Variants in CLUL1 observed in about 807,000 individuals in gnomAD.
The protein encoded by CLUL1 is clusterin-like protein 1.
In CLUL1, 43 loss-of-function variants were observed where a neutral mutation model predicts 49.4. The ratio of observed to expected loss-of-function variants is 0.87; its 90% confidence interval spans 0.68 to 1.12. The LOEUF (loss-of-function observed/expected upper bound fraction) is 1.12. Among genes scored for constraint, CLUL1 ranks in the 50% most tolerant of loss-of-function variants. CLUL1 has a pLI of 0.00. For missense variants in CLUL1, 486 were observed against 544.4 expected (o/e 0.89, Z 1.07); for synonymous variants, 192 against 184.9 (o/e 1.04, Z -0.31).
rs193104760 is a variant in CLUL1, at chr18:624,890, T to G, written c.281T>G (p.Val94Gly). The G allele has an allele frequency of 2.1e-4, 347 of 1,614,042 alleles. 3 individuals are homozygous for G. In the African/African-American group the frequency reaches 4.3e-3, roughly 20 times the overall value. The change falls in exon 5 of 10, where the codon GTT becomes GGT. Residue 94 changes from valine (V) to glycine (G), a missense_variant. Transcript: ENST00000692774. ...GAGGCCCTGAAACTTCTGAATGAAG[T>G]TCAAGAACATCTGGAGGAAGAAGAA... The part of the protein sequence containing the change: ...KQEALKLLNE[V>G]QEHLEEEERL...
chr18:602,301 T>G (rs2072854543), intron 1 of CLUL1, among the ~76,000 whole-genome samples: 1 of 152,200 alleles, frequency 6.6e-6, no homozygotes, highest in Non-Finnish European at 1.5e-5. Flanking sequence ...TGCTGGTTGG[T>G]CTCTGTTCTC....
intron 8 of CLUL1, among the ~76,000 whole-genome samples, chr18:642,860 AAC>A (rs1350104370): frequency 6.6e-6 from 1 of 152,202 alleles, no homozygotes; most frequent in Non-Finnish European, 1.5e-5. Context: ...GGCTGAGGCT[AAC>A]AGTCATCTGA....
chr18:620,957 A>AAATTTATTT (rs2073473876), intron 4 of CLUL1, among the ~76,000 whole-genome samples: 3 of 152,230 alleles, frequency 2.0e-5, no homozygotes, highest in Admixed American at 2.0e-4. Flanking sequence ...TTTCAATTTT[A>AAATTTATTT]ATGTTGAGAG....
intron 1 of CLUL1, among the ~76,000 whole-genome samples, chr18:602,505 G>T (rs535361417): frequency 6.6e-6 from 1 of 152,248 alleles, no homozygotes; most frequent in East Asian, 1.9e-4. Flanking sequence ...CTCTCACTGG[G>T]TTCCTGTATC....
intron 2 of CLUL1, among the ~76,000 whole-genome samples, chr18:615,497 G>A (rs1436754224): frequency 1.3e-5 from 2 of 152,124 alleles, no homozygotes; most frequent in Admixed American, 1.3e-4. Flanking sequence ...GATGTCAAAC[G>A]GGCCCAAACT....
At position 627,136 on chromosome 18, in the gene CLUL1, C is replaced by G. The variant is rs1018647877; in HGVS notation, c.463C>G (p.Pro155Ala). 5 of 1,612,894 alleles carry G rather than the reference C, an allele frequency of 3.1e-6. No individual in the cohort carries two copies. The highest frequency in any genetic ancestry group is 3.3e-5 in the Admixed American group (2 of 59,894). ...FFRKIYQFLF[P>A]FHEDNEKDLP... ...CAGGAAGATATATCAATTTCTATTTCCTTTCCATGAAGATAATGAAAAAGA... is the reference window on the plus strand; with the variant it reads ...CAGGAAGATATATCAATTTCTATTTGCTTTCCATGAAGATAATGAAAAAGA... Residue 155 changes from proline to alanine, a missense_variant, in exon 6 of 10, where the codon CCT (proline) becomes GCT (alanine). By Grantham distance (27) the Pro-to-Ala change is conservative (BLOSUM62 -1). Transcript: ENST00000692774.
In CLUL1 at chr18:649,993, C is replaced by A. The variant is rs2074633251; in HGVS notation, c.*92C>A. 2.3e-6 allele frequency: 2 copies of A among 870,338 alleles called. No homozygotes were observed. The highest frequency in any genetic ancestry group is 1.7e-5 in the African/African-American group (1 of 58,218). 53.9% of individuals were successfully genotyped at this position (870,338 alleles called of 1,614,324 possible). The stretch of plus-strand genomic sequence containing the variant: ...AAATAAAAAAGGATAATGCAATAAA[C>A]ACAGTTGCAGGAAAGTATGTTAGCT... On this transcript the variant is annotated 3_prime_UTR_variant, in exon 10 of 10. Transcript: ENST00000692774.
chr18:599,061 A>G (rs987776265), intron 1 of CLUL1, among the ~76,000 whole-genome samples: 4 of 152,256 alleles, frequency 2.6e-5, no homozygotes, highest in Non-Finnish European at 5.9e-5. Context: ...TACAATACAT[A>G]AAAGGAATGA....
chr18:633,282 G>A lies in CLUL1; in HGVS notation c.857-16G>A, dbSNP rs1567971688. 2 of 1,601,498 alleles carry A rather than the reference G, an allele frequency of 1.2e-6. No homozygotes were observed. The highest frequency in any genetic ancestry group is 1.7e-6 in the Non-Finnish European group (2 of 1,174,244). ...ACTCTTATGACACTAACGTGTAAAT[G>A]TTATGTTCCCTGTAGCTCCTGACCA... On this transcript the variant is annotated splice_polypyrimidine_tract_variant and intron_variant, in intron 6 of 9. Transcript: ENST00000692774.
intron 7 of CLUL1, among the ~76,000 whole-genome samples, chr18:634,383 C>T (rs906731672): frequency 2.6e-5 from 4 of 152,134 alleles, no homozygotes; most frequent in Admixed American, 2.0e-4. Context: ...CCGCCCACCT[C>T]GGCCTCCCAA....
At chr18:635,515 A>G (rs2074111361) in intron 7 of CLUL1, among the ~76,000 whole-genome samples, 1 of 152,074 alleles carries the variant, frequency 6.6e-6, no homozygotes, top group Non-Finnish European at 1.5e-5. Flanking sequence ...GAAAAATCAG[A>G]TTATAATTCT....
chr18:612,881 C>A lies in CLUL1; in HGVS notation c.-13-5107C>A, dbSNP rs183154339. 2.0e-4 allele frequency: 32 copies of A among 162,686 alleles called. No individual in the cohort carries two copies. In the East Asian group the frequency reaches 5.1e-3, roughly 26 times the overall value. The allele number at this position is 162,686 out of a possible 1,614,324, so 10.1% of individuals were successfully genotyped here. A position where few individuals can be genotyped will look rare whatever the true frequency, so the allele number is the denominator to read the frequency against. Reference sequence around the variant, plus strand: ...CGAATAAACTATTCCAAGGGTTGAACTTGCTGGAAGCAAGAGAAGCACTAT... The same window carrying A: ...CGAATAAACTATTCCAAGGGTTGAAATTGCTGGAAGCAAGAGAAGCACTAT... On this transcript the variant is annotated intron_variant, in intron 2 of 9. Transcript: ENST00000692774.
intron 9 of CLUL1, among the ~76,000 whole-genome samples, chr18:646,931 A>G (rs1478674739): frequency 6.6e-6 from 1 of 151,808 alleles, no homozygotes; most frequent in African/African-American, 2.4e-5. Flanking sequence ...TGTGTTTTTT[A>G]GTAGAGACAG....
intron 4 of CLUL1, among the ~76,000 whole-genome samples, 197 bp downstream of exon 4, chr18:619,558 A>G (rs574940359): frequency 5.9e-5 from 9 of 152,084 alleles, no homozygotes; most frequent in African/African-American, 2.2e-4. Flanking sequence ...CTTCTGCAAG[A>G]CTCCAACCCG....
chr18:626,892 AAAG>A (rs1204783591), intron 5 of CLUL1, among the ~76,000 whole-genome samples: 1 of 300 alleles, frequency 3.3e-3, no homozygotes, highest in Non-Finnish European at 0.12. Flanking sequence ...AGAAAGAAAG[AAAG>A]AAAGAAAGAA....
chr18:648,324 T>C (rs1219088931), intron 9 of CLUL1, among the ~76,000 whole-genome samples: 2 of 152,230 alleles, frequency 1.3e-5, no homozygotes, highest in Non-Finnish European at 2.9e-5. Context: ...ATCAAGCAAA[T>C]TATTTACTAA....
Position 624,963 on chromosome 18 carries a change from T to C in CLUL1, c.354T>C (p.Ser118=). Residue 118 remains serine, a synonymous_variant, in exon 5 of 10, where the codon TCT becomes TCC. Transcript: ENST00000692774. ...CAGATTCCTGGGGTGAATGCAGGTC[T>C]TGCCTGGAAAATAACTGCATGAGAA... The part of the protein sequence containing the change: ...SLADSWGECR[S]CLENNCMRIY... The C allele has an allele frequency of 6.2e-7, 1 of 1,614,190 alleles. No individual in the cohort carries two copies. Among genetic ancestry groups the C allele is most frequent in the East Asian group, 2.2e-5 (1 of 44,882 alleles).
chr18:640,646 C>A (rs926141755), intron 7 of CLUL1, among the ~76,000 whole-genome samples: 1 of 152,156 alleles, frequency 6.6e-6, no homozygotes, highest in Non-Finnish European at 1.5e-5. Context: ...AGGCATATCA[C>A]AATTTATTCA....
intron 7 of CLUL1, among the ~76,000 whole-genome samples, chr18:640,352 G>C (rs2074306571): frequency 6.6e-6 from 1 of 151,904 alleles, no homozygotes; most frequent in Admixed American, 6.6e-5. Flanking sequence ...CGAGGCTGTA[G>C]TGAGCTATGA....
Sources: allele counts gnomAD v4.1 joint callset (sites outside exome capture counted in the v4.1 genomes callset), GRCh38; gene constraint gnomAD v4.1.1; transcripts MANE v1.5; gene names NCBI Gene and HGNC (gene_info 2026-07-23, HGNC 2026-07-21).